STOX2: variants seen among roughly 807,000 people sequenced by gnomAD.
STOX2 encodes storkhead box 2.
A neutral mutation model predicts 60.9 loss-of-function variants in STOX2; 28 were observed. The ratio of observed to expected loss-of-function variants is 0.46; its 90% confidence interval spans 0.34 to 0.63. The LOEUF (loss-of-function observed/expected upper bound fraction) is 0.63, where lower values mean the gene tolerates loss of function less well. Among genes scored for constraint, STOX2 ranks in the 30% least tolerant of loss-of-function variants. The pLI, the probability that STOX2 is intolerant of heterozygous loss-of-function variation, is 0.01. For missense variants in STOX2, 1,024 were observed against 1,187.7 expected, an observed-to-expected ratio of 0.86 and a Z score of 2.03; for synonymous variants, 472 against 463.9, an observed-to-expected ratio of 1.02 and a Z score of -0.22.
rs764376545 is a variant in STOX2 at position 183,825,695 on chromosome 4, G to A, written c.364+27640G>A. Among the ~76,000 whole-genome samples, 1 of 151,988 alleles carries A rather than the reference G, an allele frequency of 6.6e-6. No homozygotes were observed. Among genetic ancestry groups the A allele is most frequent in the Non-Finnish European group, 1.5e-5 (1 of 68,024 alleles). ...TCTGAGGATAGCTTGACAGGACAGG[G>A]GCAACCTAGACCTAGTGGAGCAGGA... is the stretch of plus-strand genomic sequence containing the variant. On this transcript the variant is annotated intron_variant, in intron 1 of 2. Transcript: ENST00000513034. The surrounding 1 kb of genome is among the most constrained non-coding windows in gnomAD (Gnocchi z 4.1).
At position 183,911,445 on chromosome 4, in the gene STOX2, T is replaced by C. The variant is rs10025767; in HGVS notation, c.166+4489T>C. On this transcript the variant is annotated intron_variant, in intron 1 of 3. Coordinates refer to ENST00000308497, the MANE Select transcript of STOX2 (RefSeq NM_020225.3). ...CTAGCCGCTCCAACTGTGTTTTAAT[T>C]TGAAACTACCTATGTTGACTCCTTT... Among the ~76,000 whole-genome samples, 504 of 152,296 alleles carry C rather than the reference T, an allele frequency of 3.3e-3. 2 individuals are homozygous for C. The highest frequency in any genetic ancestry group is 0.012 in the African/African-American group (486 of 41,544).
intron 1 of STOX2, among the ~76,000 whole-genome samples, chr4:183,934,075 G>A (rs978433548): frequency 4.6e-5 from 7 of 152,066 alleles, no homozygotes; most frequent in African/African-American, 1.7e-4. Context: ...AGGCCGAGAC[G>A]GGTGGATCAC....
chr4:183,989,577 A>G (rs1277926479), intron 1 of STOX2, among the ~76,000 whole-genome samples: 1 of 152,188 alleles, frequency 6.6e-6, no homozygotes, highest in Admixed American at 6.5e-5. Flanking sequence ...CCTACATGCA[A>G]TGCACTAAAA....
In STOX2 at chr4:183,906,863, C is replaced by A; in HGVS notation, c.73C>A (p.Arg25Ser). The A allele has an allele frequency of 1.9e-6, 3 of 1,552,182 alleles. No homozygotes were observed. The highest frequency in any genetic ancestry group is 1.9e-5 in the Admixed American group (1 of 51,326). Residue 25 changes from arginine to serine, a missense_variant, in exon 1 of 4, where the codon CGC (arginine) becomes AGC (serine). This residue lies in a region of STOX2 where 98 missense variants were observed against 110.2 expected (regional missense o/e 0.89). Coordinates refer to ENST00000308497, the MANE Select transcript of STOX2 (RefSeq NM_020225.3). ...SSDFSDRASD[R>S]MRSRSEKDYR... ...GGATTTCTCGGACCGGGCCTCGGACCGCATGAGGTCCCGCAGCGAGAAGGA... is the reference window on the plus strand; with the variant it reads ...GGATTTCTCGGACCGGGCCTCGGACAGCATGAGGTCCCGCAGCGAGAAGGA...
intron 1 of STOX2, among the ~76,000 whole-genome samples, chr4:183,897,175 C>T (rs916969749): frequency 6.6e-6 from 1 of 152,244 alleles, no homozygotes; most frequent in Admixed American, 6.5e-5. Flanking sequence ...TAAATTCCTA[C>T]TCTTTTCCTC....
rs552945510 is a variant in STOX2 at position 183,921,693 on chromosome 4, T to G, written c.166+14737T>G. 1.3e-3 allele frequency among the ~76,000 whole-genome samples: 198 copies of G among 152,360 alleles called. 2 individuals are homozygous for G. The highest frequency in any genetic ancestry group is 4.0e-4 in the Non-Finnish European group (27 of 68,036). On this transcript the variant is annotated intron_variant, in intron 1 of 3. Coordinates refer to ENST00000308497, the MANE Select transcript of STOX2 (RefSeq NM_020225.3). Reference sequence around the variant, plus strand: ...ATACAAATAAAGGAAACCCCAGCTCTTTAGAACATTTAAGAACAGTCACAA... The same window carrying G: ...ATACAAATAAAGGAAACCCCAGCTCGTTAGAACATTTAAGAACAGTCACAA...
rs1298448780 is a variant in STOX2 at position 184,001,345 on chromosome 4, A to G, written c.187A>G (p.Met63Val). 6.2e-7 allele frequency: 1 copy of G among 1,613,898 alleles called. No individual in the cohort carries two copies. The highest frequency in any genetic ancestry group is 1.1e-5 in the South Asian group (1 of 91,058). The change falls in exon 2 of 4, where the codon ATG (methionine) becomes GTG (valine). Residue 63 changes from methionine to valine, a missense_variant. Physicochemically the swap from Met to Val is conservative, Grantham distance 21 (BLOSUM62 1). Coordinates refer to ENST00000308497, the MANE Select transcript of STOX2 (RefSeq NM_020225.3). This position sits in a 1 kb window ranked among gnomAD's most constrained non-coding sequence, Gnocchi z 4.2. ...TGCAGGTGATGTATCACCCATCAGT[A>G]TGTCTCCCATCAGTCAGTCTCAGTT... ...MTSGDVSPIS[M>V]SPISQSQFIP... is the part of the protein sequence containing the mutation.
At chr4:183,879,121 A>G (rs1011414581) in intron 1 of STOX2, among the ~76,000 whole-genome samples, 1 of 152,168 alleles carries the variant, frequency 6.6e-6, no homozygotes, top group African/African-American at 2.4e-5. Context: ...TTATTATTTT[A>G]GTGTTTGAAG....
chr4:183,934,310 T>A (rs1477908306), intron 1 of STOX2, among the ~76,000 whole-genome samples: 1 of 151,758 alleles, frequency 6.6e-6, no homozygotes, highest in Non-Finnish European at 1.5e-5. Flanking sequence ...CTCAAAAAAA[T>A]AAAAAATAAA....
chr4:183,900,531 T>C (rs1408451145), upstream of STOX2, among the ~76,000 whole-genome samples: 1 of 152,204 alleles, frequency 6.6e-6, no homozygotes, highest in Non-Finnish European at 1.5e-5. Flanking sequence ...AAAGATTGTG[T>C]TCAGATGCTT....
chr4:183,859,291 C>T (rs1359744202), intron 1 of STOX2, among the ~76,000 whole-genome samples: 3 of 152,204 alleles, frequency 2.0e-5, no homozygotes, highest in Non-Finnish European at 4.4e-5. Flanking sequence ...CCTCCGAACT[C>T]CAGCTCCTAC....
At chr4:183,833,177 A>G (rs1431888989) in intron 1 of STOX2, among the ~76,000 whole-genome samples, 1 of 152,158 alleles carries the variant, frequency 6.6e-6, no homozygotes, top group Non-Finnish European at 1.5e-5. Flanking sequence ...TTATTGCCTA[A>G]TAACCGCTTG....
chr4:183,974,384 T>C (rs1732374384), intron 1 of STOX2, among the ~76,000 whole-genome samples: 1 of 152,180 alleles, frequency 6.6e-6, no homozygotes, highest in African/African-American at 2.4e-5. Flanking sequence ...TATAACTAAT[T>C]ATATTAAATA....
intron 1 of STOX2, among the ~76,000 whole-genome samples, chr4:183,983,629 T>C (rs1054406451): frequency 4.6e-5 from 7 of 152,068 alleles, no homozygotes; most frequent in African/African-American, 1.7e-4. Flanking sequence ...CTCCTGGGAG[T>C]TGCCATGAGC....
intron 1 of STOX2, among the ~76,000 whole-genome samples, chr4:183,871,023 A>G (rs1579356129): frequency 6.6e-6 from 1 of 152,218 alleles, no homozygotes; most frequent in East Asian, 1.9e-4. Flanking sequence ...GCTGCCTAAA[A>G]TTATTTACGA....
intron 1 of STOX2, among the ~76,000 whole-genome samples, chr4:183,876,563 G>A (rs1187362124): frequency 6.6e-6 from 1 of 152,254 alleles, no homozygotes; most frequent in Admixed American, 6.5e-5. Flanking sequence ...GGGATGGCAA[G>A]GAGAGGTTGC....
chr4:183,977,066 T>A (rs1469483536), intron 1 of STOX2, among the ~76,000 whole-genome samples: 1 of 152,208 alleles, frequency 6.6e-6, no homozygotes, highest in Non-Finnish European at 1.5e-5. Context: ...TTTAGGGATG[T>A]CAGTGTAGTT....
At chr4:183,948,031 AC>A (rs1257663757) in intron 1 of STOX2, among the ~76,000 whole-genome samples, 1 of 152,024 alleles carries the variant, frequency 6.6e-6, no homozygotes. Context: ...AGCCTGGCCA[AC>A]ATGGTGAAAC....
In STOX2 at chr4:183,833,634, G is replaced by GTT. The variant is rs112301632; in HGVS notation, c.364+35592_364+35593dup. ...TACAGGCTTTTATATTTCTGCAGGA[G>GTT]TTTTTTTTTTTTTTCATTCCAAGCA... On this transcript the variant is annotated intron_variant, in intron 1 of 2. Transcript: ENST00000513034. Among the ~76,000 whole-genome samples, 75 of 142,548 alleles carry GTT rather than the reference G, an allele frequency of 5.3e-4. 1 individual carries two copies. Among genetic ancestry groups the GTT allele is most frequent in the African/African-American group, 1.8e-3 (71 of 39,276 alleles). 93.5% of individuals were successfully genotyped at this position (142,548 alleles called of 152,430 possible).
Sources: allele counts gnomAD v4.1 joint callset (sites outside exome capture counted in the v4.1 genomes callset), GRCh38; gene constraint gnomAD v4.1.1; regional missense constraint gnomAD v4.1.1; non-coding constraint Gnocchi (gnomAD v3.1); transcripts MANE v1.5; gene names NCBI Gene and HGNC (gene_info 2026-07-23, HGNC 2026-07-21).